The following TRIO variants were observed in gnomAD, a reference collection of about 807,000 sequenced individuals.
The protein encoded by TRIO is triple functional domain protein.
TRIO carries 58 observed loss-of-function variants against 351.9 expected under a neutral mutation model. The ratio of observed to expected loss-of-function variants is 0.16; its 90% CI spans 0.13 to 0.21. The LOEUF is 0.21. TRIO is among the 10% of genes least tolerant of loss of function. TRIO has a pLI of 1.00. For missense variants in TRIO, 3,201 were observed against 4,027.8 expected, an observed-to-expected ratio of 0.79 and a Z score of 5.56; for synonymous variants, 1,758 against 1,595.7, an observed-to-expected ratio of 1.10 and a Z score of -2.42.
chr5:14,387,732 A>G lies in TRIO; in HGVS notation c.3766A>G (p.Ser1256Gly), dbSNP rs969394458. ...GTTCATTGGCTCTGTTATTCCACAGAGTAAAAGTCTCCAGCTAGATATCAT... is the reference window on the plus strand; with the variant it reads ...GTTCATTGGCTCTGTTATTCCACAGGGTAAAAGTCTCCAGCTAGATATCAT... ...LGISSDSNKSSKSLQLDIIPA... is the reference protein window; with the variant it reads ...LGISSDSNKSGKSLQLDIIPA... Residue 1256 changes from serine (S) to glycine (G), a missense_variant and splice_region_variant, in exon 23 of 57, where the codon AGT (serine) becomes GGT (glycine). Transcript: ENST00000344204. 1.2e-5 allele frequency: 20 copies of G among 1,614,184 alleles called. No individual in the cohort carries two copies. Among genetic ancestry groups the G allele is most frequent in the Non-Finnish European group, 1.6e-5 (19 of 1,180,020 alleles).
chr5:14,494,477 C>T (rs1053611490), intron 49 of TRIO, among the ~76,000 whole-genome samples: 16 of 152,240 alleles, frequency 1.1e-4, no homozygotes, highest in African/African-American at 3.9e-4. Flanking sequence ...TGAAAATGCA[C>T]CTGGTCACCC....
intron 20 of TRIO, among the ~76,000 whole-genome samples, chr5:14,379,850 C>G (rs1745910722): frequency 6.6e-6 from 1 of 152,232 alleles, no homozygotes; most frequent in Non-Finnish European, 1.5e-5. Context: ...TCCAGCCGTT[C>G]TGCTTCTGTT....
At chr5:14,319,016 G>A (rs770535414) in intron 9 of TRIO, among the ~76,000 whole-genome samples, 1 of 152,114 alleles carries the variant, frequency 6.6e-6, no homozygotes, top group Non-Finnish European at 1.5e-5. Flanking sequence ...TTGGGAATAG[G>A]CTGAATCTGG....
intron 37 of TRIO, among the ~76,000 whole-genome samples, chr5:14,467,194 A>T (rs150697225): frequency 0.013 from 1,993 of 152,326 alleles, 22 homozygotes; most frequent in Middle Eastern, 0.031. Flanking sequence ...TATATTTGTC[A>T]GGTGAATTTT....
intron 11 of TRIO, among the ~76,000 whole-genome samples, chr5:14,338,709 C>T (rs1172513431): frequency 6.6e-6 from 1 of 152,158 alleles, no homozygotes; most frequent in Non-Finnish European, 1.5e-5. Flanking sequence ...TCATTCGGGG[C>T]CCAGTGACCA....
chr5:14,145,492 AC>A (rs36110495), intron 1 of TRIO, among the ~76,000 whole-genome samples: 68,839 of 144,874 alleles, frequency 0.48, 17,390 homozygotes, highest in African/African-American at 0.69. Flanking sequence ...AAAGAAAGCT[AC>A]CCCCCCCCAC....
chr5:14,502,675 G>A lies in TRIO; in HGVS notation c.8411+18G>A. On this transcript the variant is annotated intron_variant, in intron 54 of 56. Coordinates refer to ENST00000344204, the MANE Select transcript of TRIO (RefSeq NM_007118.4). The stretch of plus-strand genomic sequence containing the variant: ...CTTGGCAGGTATGATGCACAACCCA[G>A]AACGCCTTCCGAAAGAGCAGAGCGT... 1 of 1,613,676 alleles carries A rather than the reference G, an allele frequency of 6.2e-7. No individual in the cohort carries two copies. Among genetic ancestry groups the A allele is most frequent in the Non-Finnish European group, 8.5e-7 (1 of 1,179,670 alleles).
At chr5:14,245,109 GA>G (rs1794356082) in intron 1 of TRIO, among the ~76,000 whole-genome samples, 1 of 152,194 alleles carries the variant, frequency 6.6e-6, no homozygotes, top group African/African-American at 2.4e-5. Flanking sequence ...CATTTGCTGT[GA>G]TCAGCTTCTC....
chr5:14,185,755 C>G (rs1790068935), intron 1 of TRIO, among the ~76,000 whole-genome samples: 1 of 152,190 alleles, frequency 6.6e-6, no homozygotes, highest in Non-Finnish European at 1.5e-5. Flanking sequence ...TGATTTCTCT[C>G]ATTTGTAAAG....
chr5:14,248,749 T>C (rs1490541787), intron 1 of TRIO, among the ~76,000 whole-genome samples: 1 of 152,242 alleles, frequency 6.6e-6, no homozygotes, highest in Non-Finnish European at 1.5e-5. Flanking sequence ...ACTGTTGGTG[T>C]GTGCTACAGT....
At chr5:14,488,296 C>A (rs573704220) in intron 48 of TRIO, 36 bp downstream of exon 48, 6 of 1,521,336 alleles carry the variant, frequency 3.9e-6, no homozygotes, top group African/African-American at 1.4e-5. Flanking sequence ...CTCCCGCCCC[C>A]CTGCCTCTGT....
chr5:14,267,193 T>C (rs1795733817), intron 1 of TRIO, among the ~76,000 whole-genome samples: 1 of 152,230 alleles, frequency 6.6e-6, no homozygotes, highest in Admixed American at 6.5e-5. Flanking sequence ...TTGTCTAGGC[T>C]TTCTGTTAAT....
intron 48 of TRIO, among the ~76,000 whole-genome samples, chr5:14,491,783 C>T (rs1242278796): frequency 2.6e-5 from 4 of 152,230 alleles, no homozygotes; most frequent in African/African-American, 7.2e-5. Flanking sequence ...GGTGGGGGTA[C>T]GCATCCCACA....
At chr5:14,335,936 G>A (rs550427095) in intron 10 of TRIO, among the ~76,000 whole-genome samples, 10 of 152,292 alleles carry the variant, frequency 6.6e-5, no homozygotes, top group Admixed American at 1.3e-4. Context: ...CTGCACTCCA[G>A]CCTGGGCCAC....
intron 31 of TRIO, among the ~76,000 whole-genome samples, chr5:14,405,414 C>T (rs547875044): frequency 6.6e-6 from 1 of 152,344 alleles, no homozygotes; most frequent in East Asian, 1.9e-4. Flanking sequence ...CCGCTGTTCC[C>T]TGAGTCCAGC....
chr5:14,489,102 G>A (rs770064103), intron 48 of TRIO: 6 of 752,034 alleles, frequency 8.0e-6, no homozygotes, highest in Non-Finnish European at 1.5e-5. Context: ...ATGAGTGTAT[G>A]TTTGAACGCT....
At chr5:14,327,511 G>C (rs997995222) in intron 9 of TRIO, among the ~76,000 whole-genome samples, 2 of 151,982 alleles carry the variant, frequency 1.3e-5, no homozygotes, top group Admixed American at 6.6e-5. Flanking sequence ...TGCTTCCTCT[G>C]GCCCTTTCTA....
At chr5:14,282,135 C>G in intron 3 of TRIO, among the ~76,000 whole-genome samples, 1 of 152,210 alleles carries the variant, frequency 6.6e-6, no homozygotes, top group Non-Finnish European at 1.5e-5. Context: ...CCCTACTTAT[C>G]TGGAGTAAGT....
intron 34 of TRIO, among the ~76,000 whole-genome samples, chr5:14,450,032 T>G (rs1051769558): frequency 2.0e-5 from 3 of 152,260 alleles, no homozygotes. Context: ...CTTGCATTTG[T>G]CTACATAGCT....
Sources: allele counts gnomAD v4.1 joint callset (sites outside exome capture counted in the v4.1 genomes callset), GRCh38; gene constraint gnomAD v4.1.1; transcripts MANE v1.5; gene names NCBI Gene and HGNC (gene_info 2026-07-23, HGNC 2026-07-21).